HEY1: variants seen among roughly 807,000 people sequenced by gnomAD.
HEY1 encodes the protein hes related family bHLH transcription factor with YRPW motif 1.
HEY1 carries 9 observed loss-of-function variants against 28.7 expected under a neutral mutation model. The ratio of observed to expected loss-of-function variants is 0.31; its 90% CI spans 0.19 to 0.55. The LOEUF (loss-of-function observed/expected upper bound fraction) is 0.55. Ranked by LOEUF, HEY1 falls within the 20% of genes least tolerant of loss-of-function variation. The probability of loss-of-function intolerance (pLI) is 0.93; values close to 1 mark genes in which losing one functional copy is unlikely to be tolerated. For missense variants in HEY1, 385 were observed against 399.4 expected, an observed-to-expected ratio of 0.96 and a Z score of 0.31; for synonymous variants, 213 against 175.6, an observed-to-expected ratio of 1.21 and a Z score of -1.68.
Position 79,767,277 on chromosome 8 carries a change from A to G in HEY1, c.107T>C (p.Leu36Pro), listed in dbSNP as rs767419342. The change falls in exon 2 of 5, where the codon CTA (leucine) becomes CCA (proline). Residue 36 changes from leucine (L) to proline (P), a missense_variant. Transcript: ENST00000354724. ...ADENGNLSSA[L>P]GSMSPTTSSQ... is the part of the protein sequence containing the mutation. Reference sequence around the variant, plus strand: ...AGATGTAGTTGGGGACATGGAACCTAGAGCCGAACTCAAGTTTCTGAAAAG... The same window carrying G: ...AGATGTAGTTGGGGACATGGAACCTGGAGCCGAACTCAAGTTTCTGAAAAG... The G allele has an allele frequency of 8.7e-6, 14 of 1,613,070 alleles. No individual in the cohort carries two copies. Among genetic ancestry groups the G allele is most frequent in the South Asian group, 5.5e-5 (5 of 90,800 alleles).
rs1807800816 is a variant in HEY1 at position 79,765,301 on chromosome 8, A to T, written c.802T>A (p.Phe268Ile). Reference protein sequence around the residue: ...VASLSAFPFSFGSFHLLSPNA... With the variant: ...VASLSAFPFSIGSFHLLSPNA... ...GGAGACAGTAAGTGGAAGGAGCCGA[A>T]AGAGAAGGGGAAGGCCGACAGGGAG... Residue 268 changes from phenylalanine (F) to isoleucine (I), a missense_variant, in exon 5 of 5, where the codon TTC (phenylalanine) becomes ATC (isoleucine). Phe to Ile is a conservative substitution (Grantham distance 21). Coordinates refer to ENST00000354724, the MANE Select transcript of HEY1 (RefSeq NM_012258.4). 6.4e-7 allele frequency: 1 copy of T among 1,558,882 alleles called. No individual in the cohort carries two copies. The highest frequency in any genetic ancestry group is 8.7e-7 in the Non-Finnish European group (1 of 1,150,456).
rs745608271 is a variant in HEY1, at chr8:79,766,762, T to C, written c.250-30A>G. On this transcript the variant is annotated intron_variant, in intron 3 of 4. Coordinates refer to ENST00000354724, the MANE Select transcript of HEY1 (RefSeq NM_012258.4). ...AGATGAGAATGGCAAAAGATTGATT[T>C]GGCACAAGTTCCTTTGGGGAACAAT... The C allele has an allele frequency of 3.7e-6, 6 of 1,601,260 alleles. No homozygotes were observed. In the Admixed American group the frequency reaches 1.0e-4, roughly 27 times the overall value.
chr8:79,765,240 G>A lies in HEY1; in HGVS notation c.863C>T (p.Ala288Val), dbSNP rs770437939. The change falls in exon 5 of 5, where the codon GCA (alanine) becomes GTA (valine). Residue 288 changes from alanine to valine, a missense_variant. By Grantham distance (64) the Ala-to-Val change is moderately conservative. Coordinates refer to ENST00000354724, the MANE Select transcript of HEY1 (RefSeq NM_012258.4). ...ALSPSAPTQA[A>V]NLGKPYRPWG... ...AGGTCTATAGGGCTTGCCAAGGTTT[G>A]CAGCCTGCGTGGGTGCTGAAGGGCT... The A allele has an allele frequency of 7.1e-6, 11 of 1,553,644 alleles. No individual in the cohort carries two copies. Among genetic ancestry groups the A allele is most frequent in the Non-Finnish European group, 8.7e-6 (10 of 1,147,756 alleles).
In HEY1 at chr8:79,767,279, A is replaced by G; in HGVS notation, c.105T>C (p.Ala35=). The G allele has an allele frequency of 1.2e-6, 2 of 1,612,792 alleles. No individual in the cohort carries two copies. Among genetic ancestry groups the G allele is most frequent in the Non-Finnish European group, 1.7e-6 (2 of 1,179,646 alleles). Residue 35 remains alanine, a synonymous_variant, in exon 2 of 5, where the codon GCT becomes GCC. Coordinates refer to ENST00000354724, the MANE Select transcript of HEY1 (RefSeq NM_012258.4). The part of the protein sequence containing the change: ...SADENGNLSS[A]LGSMSPTTSS... ...ATGTAGTTGGGGACATGGAACCTAG[A>G]GCCGAACTCAAGTTTCTGAAAAGAG...
chr8:79,765,459 T>C lies in HEY1; in HGVS notation c.644A>G (p.His215Arg). Residue 215 changes from histidine to arginine, a missense_variant, in exon 5 of 5, where the codon CAC becomes CGC. By Grantham distance (29) the His-to-Arg change is conservative (BLOSUM62 0). This residue lies in a region of HEY1 where 223 missense variants were observed against 215.9 expected (regional missense o/e 1.03). Coordinates refer to ENST00000354724, the MANE Select transcript of HEY1 (RefSeq NM_012258.4). ...ATGTGCCGAGCCCAGCCTGCCCTGG[T>C]GGTGCGGTTCCGTGGGTGAGGCCGT... The part of the protein sequence containing the change: ...GTTASPTEPH[H>R]QGRLGSAHPE... 2 of 1,613,224 alleles carry C rather than the reference T, an allele frequency of 1.2e-6. No individual in the cohort carries two copies. Among genetic ancestry groups the C allele is most frequent in the East Asian group, 2.2e-5 (1 of 44,872 alleles).
In HEY1 at chr8:79,765,345, G is replaced by A. The variant is rs747999619; in HGVS notation, c.758C>T (p.Pro253Leu). 2 of 1,576,696 alleles carry A rather than the reference G, an allele frequency of 1.3e-6. No individual in the cohort carries two copies. The highest frequency in any genetic ancestry group is 1.7e-6 in the Non-Finnish European group (2 of 1,160,748). Residue 253 changes from proline (P) to leucine (L), a missense_variant, in exon 5 of 5, where the codon CCT (proline) becomes CTT (leucine). Transcript: ENST00000354724. ...VVTSASKLSPPLLSSVASLSA... is the reference protein window; with the variant it reads ...VVTSASKLSPLLLSSVASLSA... ...CAGGGAGGCCACTGAGGAGAGCAGA[G>A]GCGGCGACAGTTTGGAGGCGGAGGT... is the stretch of plus-strand genomic sequence containing the variant.
rs918723767 is a variant in HEY1, at chr8:79,766,113, A to G, written c.332-342T>C. 7 of 972,260 alleles carry G rather than the reference A, an allele frequency of 7.2e-6. No individual in the cohort carries two copies. In the East Asian group the frequency reaches 7.9e-5, roughly 11 times the overall value. The allele number at this position is 972,260 out of a possible 1,614,324, so 60.2% of individuals were successfully genotyped here. On this transcript the variant is annotated intron_variant, in intron 4 of 4. Coordinates refer to ENST00000354724, the MANE Select transcript of HEY1 (RefSeq NM_012258.4). Reference sequence around the variant, plus strand: ...AAACCACAGAGCAGTGAAATTCATTAGACACACAGATGTAAGTTATCATCG... The same window carrying G: ...AAACCACAGAGCAGTGAAATTCATTGGACACACAGATGTAAGTTATCATCG...
At chr8:79,766,818 C>T in intron 3 of HEY1, 86 bp from the exon 4 acceptor site, 1 of 1,430,390 alleles carries the variant, frequency 7.0e-7, no homozygotes, top group African/African-American at 1.4e-5. Flanking sequence ...TACAAAGATA[C>T]ATGCTTTGTA....
In HEY1 at chr8:79,765,378, G is replaced by T; in HGVS notation, c.725C>A (p.Pro242His). The change falls in exon 5 of 5, where the codon CCT (proline) becomes CAT (histidine). Residue 242 changes from proline to histidine, a missense_variant. Physicochemically the swap from Pro to His is moderately conservative, Grantham distance 77 (BLOSUM62 -2). Coordinates refer to ENST00000354724, the MANE Select transcript of HEY1 (RefSeq NM_012258.4). The stretch of plus-strand genomic sequence containing the variant: ...CAGTTTGGAGGCGGAGGTGACCACA[G>T]GGAGCACCGGTCCGAGGCTGCCGCT... ...PPSGSLGPVL[P>H]VVTSASKLSP... 1 of 1,596,080 alleles carries T rather than the reference G, an allele frequency of 6.3e-7. No homozygotes were observed. The highest frequency in any genetic ancestry group is 2.3e-5 in the East Asian group (1 of 43,988).
At position 79,765,262 on chromosome 8, in the gene HEY1, G is replaced by C; in HGVS notation, c.841C>G (p.Pro281Ala). 1.3e-6 allele frequency: 2 copies of C among 1,554,794 alleles called. No individual in the cohort carries two copies. The highest frequency in any genetic ancestry group is 1.2e-5 in the South Asian group (1 of 84,288). The change falls in exon 5 of 5, where the codon CCT becomes GCT. Residue 281 changes from proline to alanine, a missense_variant. By Grantham distance (27) the Pro-to-Ala change is conservative (BLOSUM62 -1). Coordinates refer to ENST00000354724, the MANE Select transcript of HEY1 (RefSeq NM_012258.4). ...TTTGCAGCCTGCGTGGGTGCTGAAG[G>C]GCTCAGTGCATTGGGAGACAGTAAG... ...FHLLSPNALSPSAPTQAANLG... is the reference protein window; with the variant it reads ...FHLLSPNALSASAPTQAANLG...
Position 79,764,993 on chromosome 8 carries a change from T to C in HEY1, c.*195A>G. ...TTAACAACTAGTTTTTAAAAACTGC[T>C]AATACATGACATGATGAAAAAAACA... On this transcript the variant is annotated 3_prime_UTR_variant, in exon 5 of 5. Transcript: ENST00000354724. 1 of 497,508 alleles carries C rather than the reference T, an allele frequency of 2.0e-6. No homozygotes were observed. The allele number at this position is 497,508 out of a possible 1,614,324, so 30.8% of individuals were successfully genotyped here. A position where few individuals can be genotyped will look rare whatever the true frequency, so the allele number is the denominator to read the frequency against.
At chr8:79,767,506 C>T (rs1807876112) in intron 1 of HEY1, 69 bp downstream of exon 1, 1 of 1,460,556 alleles carries the variant, frequency 6.8e-7, no homozygotes, top group African/African-American at 1.4e-5. Context: ...TCCTAGCCCG[C>T]TGTCACCGCG....
intron 4 of HEY1, chr8:79,766,222 T>C (rs1195912078): frequency 1.3e-6 from 2 of 1,535,208 alleles, no homozygotes; most frequent in Admixed American, 2.0e-5. Flanking sequence ...CCGTTAGGTT[T>C]CCTTTACTTA....
chr8:79,766,682 G>A lies in HEY1; in HGVS notation c.300C>T (p.His100=). 6.2e-7 allele frequency: 1 copy of A among 1,614,192 alleles called. No individual in the cohort carries two copies. Residue 100 remains histidine, a synonymous_variant, in exon 4 of 5, where the codon CAC becomes CAT. Transcript: ENST00000354724. ...KAEILQMTVD[H]LKMLHTAGGK... ...CTCCTGCCGTATGCAGCATTTTCAG[G>A]TGATCCACGGTCATCTGCAGGATCT...
chr8:79,766,487 T>A, intron 4 of HEY1, 164 bp downstream of exon 4: 1 of 1,506,906 alleles, frequency 6.6e-7, no homozygotes, highest in East Asian at 2.3e-5. Flanking sequence ...GAGAAGATTC[T>A]ATGTGCATTC....
At position 79,767,652 on chromosome 8, in the gene HEY1, A is replaced by G; in HGVS notation, c.12T>C (p.Ala4=). ...TGTCCGAGGAGCTGTACTCGGGGTGAGCTCGCTTCATGCTGGCTCCCTGGG... is the reference window on the plus strand; with the variant it reads ...TGTCCGAGGAGCTGTACTCGGGGTGGGCTCGCTTCATGCTGGCTCCCTGGG... MKR[A]HPEYSSSDSE... The change falls in exon 1 of 5, where the codon GCT becomes GCC. Residue 4 remains alanine, a synonymous_variant. Transcript: ENST00000354724. 6.2e-7 allele frequency: 1 copy of G among 1,600,466 alleles called. No homozygotes were observed. The highest frequency in any genetic ancestry group is 8.5e-7 in the Non-Finnish European group (1 of 1,174,846).
chr8:79,767,761 A>G lies in HEY1; in HGVS notation c.-98T>C. The G allele has an allele frequency of 1.2e-6, 1 of 831,484 alleles. No individual in the cohort carries two copies. Among genetic ancestry groups the G allele is most frequent in the South Asian group, 1.5e-5 (1 of 68,024 alleles). The allele number at this position is 831,484 out of a possible 1,614,324, so 51.5% of individuals were successfully genotyped here. On this transcript the variant is annotated 5_prime_UTR_variant, in exon 1 of 5. Coordinates refer to ENST00000354724, the MANE Select transcript of HEY1 (RefSeq NM_012258.4). ...CCGCTCTCGGCTGCTTGCGTTCCGC[A>G]CACACTGATCCCGCTCACGCTTTGC... is the stretch of plus-strand genomic sequence containing the variant.
At position 79,765,790 on chromosome 8, in the gene HEY1, G is replaced by C. The variant is rs1459843520; in HGVS notation, c.332-19C>G. 1.3e-6 allele frequency: 2 copies of C among 1,583,152 alleles called. No homozygotes were observed. The highest frequency in any genetic ancestry group is 1.7e-6 in the Non-Finnish European group (2 of 1,162,530). On this transcript the variant is annotated intron_variant, in intron 4 of 4. Coordinates refer to ENST00000354724, the MANE Select transcript of HEY1 (RefSeq NM_012258.4). ...AAGTAACCTAAGCAAAAGAACAAAA[G>C]AAAAATCTCAGGGCTTTGCCCGTTT...
In HEY1 at chr8:79,766,899, A is replaced by G. The variant is rs1462127380; in HGVS notation, c.249+110T>C. Reference sequence around the variant, plus strand: ...TACGCTGGTATCTGTGTACGAATTCATCTAGGCACAAGCAACACAGCTATT... The same window carrying G: ...TACGCTGGTATCTGTGTACGAATTCGTCTAGGCACAAGCAACACAGCTATT... On this transcript the variant is annotated intron_variant, in intron 3 of 4. Coordinates refer to ENST00000354724, the MANE Select transcript of HEY1 (RefSeq NM_012258.4). 3.3e-6 allele frequency: 4 copies of G among 1,227,564 alleles called. No individual in the cohort carries two copies. The African/African-American group carries it at 4.5e-5, about 14-fold the overall frequency. 76.0% of individuals were successfully genotyped at this position (1,227,564 alleles called of 1,614,324 possible).
Sources: gnomAD v4.1 joint callset for allele counts on GRCh38, gnomAD v4.1.1 for gene constraint, gnomAD v4.1.1 regional missense constraint, MANE v1.5 for transcripts, NCBI Gene and HGNC (gene_info 2026-07-23, HGNC 2026-07-21) for gene names.